Variants in CFAP69 observed in about 807,000 individuals in gnomAD.
CFAP69 encodes the protein cilia- and flagella-associated protein 69.
A neutral mutation model predicts 123.0 loss-of-function variants in CFAP69; 92 were observed. The ratio of observed to expected loss-of-function variants is 0.75; its 90% confidence interval spans 0.63 to 0.89. CFAP69 has a LOEUF of 0.89. Ranked by LOEUF, CFAP69 falls within the 40% of genes least tolerant of loss-of-function variation. The probability of loss-of-function intolerance (pLI) is 0.00; values close to 1 mark genes in which losing one functional copy is unlikely to be tolerated. For missense variants in CFAP69, 1,067 were observed against 1,096.9 expected (o/e 0.97, Z 0.39); for synonymous variants, 380 against 364.3 (o/e 1.04, Z -0.49).
intron 1 of CFAP69, among the ~76,000 whole-genome samples, chr7:90,246,537 A>G (rs1234440215): frequency 6.6e-6 from 1 of 152,246 alleles, no homozygotes; most frequent in Non-Finnish European, 1.5e-5. Flanking sequence ...ACATTTACGC[A>G]GTAACCTGCG....
At position 90,306,246 on chromosome 7, in the gene CFAP69, AT is replaced by A. The variant is rs533616732; in HGVS notation, c.2266-648del. 1.4e-3 allele frequency among the ~76,000 whole-genome samples: 210 copies of A among 151,776 alleles called. 1 individual carries two copies. The Middle Eastern group carries it at 0.034, about 25-fold the overall frequency. ...ATTTTTTCCTTATCATAGATATATA[AT>A]TTTTTTCTTTAATTTTATGGGTCCA... is the stretch of plus-strand genomic sequence containing the variant. On this transcript the variant is annotated intron_variant, in intron 19 of 22. Coordinates refer to ENST00000389297, the MANE Select transcript of CFAP69 (RefSeq NM_001039706.3).
chr7:90,316,498 A>G, the CFAP69 span: 4 of 152,310 alleles, frequency 2.6e-5, no homozygotes, highest in African/African-American at 9.6e-5. Context: ...CTTTCAGTCT[A>G]TCCCTGCATT....
chr7:90,277,872 C>T (rs930870015), intron 11 of CFAP69, among the ~76,000 whole-genome samples: 1 of 152,052 alleles, frequency 6.6e-6, no homozygotes, highest in Non-Finnish European at 1.5e-5. Flanking sequence ...TGGCTTATCA[C>T]CTACTAGCTA....
intron 11 of CFAP69, among the ~76,000 whole-genome samples, chr7:90,278,243 G>C (rs903151023): frequency 2.6e-5 from 4 of 152,048 alleles, no homozygotes; most frequent in Non-Finnish European, 4.4e-5. Flanking sequence ...GCATTAAATG[G>C]GTTGTTTGAT....
chr7:90,267,175 G>C (rs1449572379), intron 5 of CFAP69, among the ~76,000 whole-genome samples: 1 of 152,182 alleles, frequency 6.6e-6, no homozygotes, highest in Admixed American at 6.5e-5. Flanking sequence ...AAAATTTAGA[G>C]TTAGAATAAT....
intron 15 of CFAP69, among the ~76,000 whole-genome samples, chr7:90,297,036 A>AT (rs1215884417): frequency 6.6e-6 from 1 of 152,180 alleles, no homozygotes; most frequent in African/African-American, 2.4e-5. Flanking sequence ...CAGAATGTAG[A>AT]TTTTCCCTAG....
At chr7:90,283,116 T>C (rs1215288180) in intron 13 of CFAP69, 60 bp downstream of exon 13, 1 of 1,249,956 alleles carries the variant, frequency 8.0e-7, no homozygotes, top group South Asian at 2.6e-5. Context: ...GTAGTAGTTT[T>C]GTTTGAAATG....
chr7:90,253,893 C>T (rs1797322017), intron 1 of CFAP69, among the ~76,000 whole-genome samples: 1 of 152,118 alleles, frequency 6.6e-6, no homozygotes, highest in Admixed American at 6.5e-5. Context: ...TGAGGTCCTA[C>T]CCAAAAAAAC....
chr7:90,320,145 A>G, the CFAP69 span, among the ~76,000 whole-genome samples: 14 of 152,196 alleles, frequency 9.2e-5, no homozygotes, highest in Non-Finnish European at 1.8e-4. Context: ...CTACCACAAC[A>G]CATTTCAACT....
At chr7:90,269,042 A>G (rs1799569865) in intron 6 of CFAP69, 1 of 151,884 alleles carries the variant, frequency 6.6e-6, no homozygotes, top group African/African-American at 2.4e-5. Context: ...ATTATTTAAG[A>G]CTAAGGAAAA....
In CFAP69 at chr7:90,274,042, C is replaced by A; in HGVS notation, c.916C>A (p.Arg306Ser). Residue 306 changes from arginine to serine, a missense_variant, in exon 9 of 23, where the codon CGT becomes AGT. Physicochemically the swap from Arg to Ser is moderately radical, Grantham distance 110 (BLOSUM62 -1). Coordinates refer to ENST00000389297, the MANE Select transcript of CFAP69 (RefSeq NM_001039706.3). The part of the protein sequence containing the change: ...LFMRGFSHYD[R>S]QLRNDILVIT... ...TATGAGAGGTTTCAGTCATTATGAC[C>A]GTCAGCTTAGAAATGACATATTAGT... The A allele has an allele frequency of 6.2e-7, 1 of 1,605,358 alleles. No individual in the cohort carries two copies. The highest frequency in any genetic ancestry group is 8.5e-7 in the Non-Finnish European group (1 of 1,176,278).
In CFAP69 at chr7:90,245,555, G is replaced by T; in HGVS notation, c.120+11G>T. On this transcript the variant is annotated intron_variant, in intron 1 of 22. Coordinates refer to ENST00000389297, the MANE Select transcript of CFAP69 (RefSeq NM_001039706.3). ...GACGATGAGGCGCAGGTATGAGCAG[G>T]TGTCTGTGCTTTCAGAGGTGGAGGG... is the stretch of plus-strand genomic sequence containing the variant. The T allele has an allele frequency of 6.8e-7, 1 of 1,475,740 alleles. No individual in the cohort carries two copies. The highest frequency in any genetic ancestry group is 9.0e-7 in the Non-Finnish European group (1 of 1,113,626). The allele number at this position is 1,475,740 out of a possible 1,614,324, so 91.4% of individuals were successfully genotyped here. A position where few individuals can be genotyped will look rare whatever the true frequency, so the allele number is the denominator to read the frequency against.
intron 6 of CFAP69, 40 bp downstream of exon 6, chr7:90,268,424 G>C: frequency 1.5e-6 from 2 of 1,369,634 alleles, no homozygotes; most frequent in Non-Finnish European, 2.1e-6. Context: ...ACTTGTGTAT[G>C]TAGAAAACAG....
chr7:90,315,747 CCTAAAACAAAAGT>C (rs1268088004), downstream of CFAP69, among the ~76,000 whole-genome samples: 8 of 152,202 alleles, frequency 5.3e-5, no homozygotes, highest in African/African-American at 1.7e-4. Flanking sequence ...TACCCCTGAA[CCTAAAACAAAAGT>C]TTAAAAAATA....
intron 6 of CFAP69, among the ~76,000 whole-genome samples, chr7:90,268,645 T>C (rs1482796095): frequency 6.6e-6 from 1 of 152,176 alleles, no homozygotes; most frequent in Non-Finnish European, 1.5e-5. Context: ...TTAATAATTA[T>C]AAATGTTACT....
intron 14 of CFAP69, chr7:90,287,531 T>G (rs1441604090): frequency 1.0e-6 from 1 of 985,202 alleles, no homozygotes; most frequent in Non-Finnish European, 1.2e-6. Context: ...TCTCAGAGAT[T>G]GATAATTTAA....
chr7:90,283,792 G>A (rs1789840564), intron 13 of CFAP69, among the ~76,000 whole-genome samples: 4 of 152,068 alleles, frequency 2.6e-5, no homozygotes, highest in Admixed American at 6.6e-5. Context: ...TCTGCTAGAT[G>A]TCAATTAATT....
chr7:90,304,144 G>C, intron 18 of CFAP69, 38 bp downstream of exon 18: 2 of 1,535,610 alleles, frequency 1.3e-6, no homozygotes, highest in Non-Finnish European at 1.8e-6. Context: ...AGTCTGTTTT[G>C]CTAAGTATAC....
intron 17 of CFAP69, chr7:90,303,570 C>T (rs754682663): frequency 7.0e-5 from 67 of 960,340 alleles, no homozygotes; most frequent in Non-Finnish European, 8.2e-5. Flanking sequence ...TGAGTTTTGA[C>T]CTATAGCATC....
Sources: gnomAD v4.1 joint callset for allele counts (sites outside exome capture counted in the v4.1 genomes callset) on GRCh38, gnomAD v4.1.1 for gene constraint, MANE v1.5 for transcripts, NCBI Gene and HGNC (gene_info 2026-07-23, HGNC 2026-07-21) for gene names.